The following RASSF6 variants were observed in gnomAD, a reference collection of about 807,000 sequenced individuals.
RASSF6 encodes the protein ras association domain-containing protein 6.
In RASSF6, 52 loss-of-function variants were observed where a neutral mutation model predicts 44.0. That is an observed-to-expected ratio of 1.18 (90% confidence interval 0.95 to 1.49). The LOEUF is 1.49. Ranked by LOEUF, RASSF6 falls within the 40% of genes most tolerant of loss-of-function variation. The pLI, the probability that RASSF6 is intolerant of heterozygous loss-of-function variation, is 0.00. For synonymous variants in RASSF6, 162 were observed against 124.6 expected (o/e 1.30, Z -2.00); for missense variants, 464 against 393.3 (o/e 1.18, Z -1.52).
chr4:73,599,952 T>C (rs993366741), intron 2 of RASSF6, among the ~76,000 whole-genome samples: 1 of 152,106 alleles, frequency 6.6e-6, no homozygotes, highest in Non-Finnish European at 1.5e-5. Flanking sequence ...CCAGACAGAT[T>C]CTCATCTTGG....
rs1369966127 is a variant in RASSF6, at chr4:73,572,737, C to T, written c.*3498G>A. On this transcript the variant is annotated 3_prime_UTR_variant, in exon 11 of 11. Transcript: ENST00000307439. ...ACTCTGTGCTTGCATGTGCTTGTTA[C>T]TTTTTTGTTCATAAGTTTTAAATAA... 2.6e-5 allele frequency: 4 copies of T among 152,074 alleles called. No individual in the cohort carries two copies. The highest frequency in any genetic ancestry group is 9.7e-5 in the African/African-American group (4 of 41,424). 9.4% of individuals were successfully genotyped at this position (152,074 alleles called of 1,614,324 possible).
At position 73,572,505 on chromosome 4, in the gene RASSF6, C is replaced by A. The variant is rs538981808; in HGVS notation, c.*3730G>T. 2.4e-4 allele frequency: 36 copies of A among 151,618 alleles called. No individual in the cohort carries two copies. The highest frequency in any genetic ancestry group is 4.3e-4 in the Non-Finnish European group (29 of 67,920). 9.4% of individuals were successfully genotyped at this position (151,618 alleles called of 1,614,324 possible). ...ATATATAATAATATAATATTGTACC[C>A]CATAAATACATACAATTATTATTTG... is the stretch of plus-strand genomic sequence containing the variant. On this transcript the variant is annotated 3_prime_UTR_variant, in exon 11 of 11. Transcript: ENST00000307439.
intron 2 of RASSF6, among the ~76,000 whole-genome samples, chr4:73,606,740 C>T (rs958897320): frequency 6.6e-6 from 1 of 151,916 alleles, no homozygotes; most frequent in Non-Finnish European, 1.5e-5. Flanking sequence ...AAAATTACAC[C>T]CTTTGTGTAT....
In RASSF6 at chr4:73,572,531, T is replaced by C. The variant is rs1722972720; in HGVS notation, c.*3704A>G. On this transcript the variant is annotated 3_prime_UTR_variant, in exon 11 of 11. Coordinates refer to ENST00000307439, the MANE Select transcript of RASSF6 (RefSeq NM_177532.5). ...CATAAATACATACAATTATTATTTG[T>C]CAATTAAAAATAAAATAAAAAGACG... 6.6e-6 allele frequency: 1 copy of C among 152,122 alleles called. No individual in the cohort carries two copies. The highest frequency in any genetic ancestry group is 2.4e-5 in the African/African-American group (1 of 41,434). The allele number at this position is 152,122 out of a possible 1,614,324, so 9.4% of individuals were successfully genotyped here. A position where few individuals can be genotyped will look rare whatever the true frequency, so the allele number is the denominator to read the frequency against.
chr4:73,600,727 T>TA (rs11375424), intron 2 of RASSF6, among the ~76,000 whole-genome samples: 150,890 of 152,268 alleles, frequency 0.99, 74,772 homozygotes, highest in Middle Eastern at 1. Flanking sequence ...ACAATTGCCA[T>TA]AAAAAGATCC....
intron 2 of RASSF6, among the ~76,000 whole-genome samples, chr4:73,605,445 T>C (rs1212495112): frequency 6.6e-6 from 1 of 152,224 alleles, no homozygotes; most frequent in Non-Finnish European, 1.5e-5. Context: ...ATCCTGGAAT[T>C]AAAATTACAA....
At chr4:73,600,378 G>A (rs1302254333) in intron 2 of RASSF6, among the ~76,000 whole-genome samples, 3 of 150,858 alleles carry the variant, frequency 2.0e-5, no homozygotes, top group Non-Finnish European at 3.0e-5. Context: ...TCATATAAGC[G>A]GTTTTATAAA....
intron 10 of RASSF6, 30 bp downstream of exon 10, chr4:73,576,380 G>T: frequency 6.8e-7 from 1 of 1,465,672 alleles, no homozygotes; most frequent in South Asian, 1.2e-5. Flanking sequence ...TTAAAGAACG[G>T]AGTATCCAAT....
chr4:73,610,584 A>G (rs757318049), intron 2 of RASSF6, among the ~76,000 whole-genome samples: 1 of 152,120 alleles, frequency 6.6e-6, no homozygotes, highest in African/African-American at 2.4e-5. Flanking sequence ...ACAAATATGC[A>G]TCTGCCTTAG....
At chr4:73,583,716 G>T (rs1231012404) in intron 6 of RASSF6, among the ~76,000 whole-genome samples, 1 of 152,014 alleles carries the variant, frequency 6.6e-6, no homozygotes, top group Non-Finnish European at 1.5e-5. Context: ...CCCAGCTTGA[G>T]CTCATTCAAT....
chr4:73,608,780 G>T (rs182436311), intron 2 of RASSF6, among the ~76,000 whole-genome samples: 1 of 152,172 alleles, frequency 6.6e-6, no homozygotes, highest in South Asian at 2.1e-4. Flanking sequence ...ACTCACAGGG[G>T]CATGCAGTGT....
Position 73,573,856 on chromosome 4 carries a change from C to T in RASSF6, c.*2379G>A, listed in dbSNP as rs1342947281. On this transcript the variant is annotated 3_prime_UTR_variant, in exon 11 of 11. Coordinates refer to ENST00000307439, the MANE Select transcript of RASSF6 (RefSeq NM_177532.5). The stretch of plus-strand genomic sequence containing the variant: ...ATAGACTCTTGAAATGTTTCCTTTG[C>T]AGCTTGCATGATGGCATACTTTGTC... 6.6e-6 allele frequency: 1 copy of T among 152,190 alleles called. No homozygotes were observed. Among genetic ancestry groups the T allele is most frequent in the Non-Finnish European group, 1.5e-5 (1 of 68,048 alleles). 9.4% of individuals were successfully genotyped at this position (152,190 alleles called of 1,614,324 possible). A position where few individuals can be genotyped will look rare whatever the true frequency, so the allele number is the denominator to read the frequency against.
chr4:73,602,728 G>A (rs1385176408), intron 2 of RASSF6, among the ~76,000 whole-genome samples: 3 of 152,186 alleles, frequency 2.0e-5, no homozygotes, highest in Non-Finnish European at 2.9e-5. Flanking sequence ...TGGGTGATAA[G>A]AAATGGATTC....
intron 2 of RASSF6, among the ~76,000 whole-genome samples, chr4:73,603,491 G>T (rs1725417360): frequency 6.6e-6 from 1 of 152,012 alleles, no homozygotes; most frequent in Non-Finnish European, 1.5e-5. Flanking sequence ...AGGTCAGGGG[G>T]AGGGATGCTG....
chr4:73,613,405 G>T (rs1212371216), intron 1 of RASSF6, among the ~76,000 whole-genome samples: 1 of 152,122 alleles, frequency 6.6e-6, no homozygotes, highest in Non-Finnish European at 1.5e-5. Flanking sequence ...GGGCAACTTG[G>T]TTATACAGGT....
At chr4:73,588,850 G>A (rs954408955) in intron 4 of RASSF6, among the ~76,000 whole-genome samples, 1 of 150,552 alleles carries the variant, frequency 6.6e-6, no homozygotes, top group Non-Finnish European at 1.5e-5. Context: ...ATTCCTGATG[G>A]GCCAGGAACC....
chr4:73,606,651 TTTTTAA>T (rs1725662333), intron 2 of RASSF6, among the ~76,000 whole-genome samples: 1 of 133,112 alleles, frequency 7.5e-6, no homozygotes, highest in South Asian at 2.5e-4. Context: ...TTTTTTTTTT[TTTTTAA>T]AGCCAGTTGA....
chr4:73,581,904 T>G (rs749466896), intron 7 of RASSF6, 36 bp from the exon 8 acceptor site: 1 of 1,531,228 alleles, frequency 6.5e-7, no homozygotes, highest in Non-Finnish European at 9.0e-7. Flanking sequence ...ATAAATTCTT[T>G]GTTGTTATAT....
At position 73,611,754 on chromosome 4, in the gene RASSF6, A is replaced by T; in HGVS notation, c.42T>A (p.Ile14=). 4.4e-6 allele frequency: 7 copies of T among 1,609,036 alleles called. No homozygotes were observed. The highest frequency in any genetic ancestry group is 6.0e-6 in the Non-Finnish European group (7 of 1,175,800). The change falls in exon 2 of 11, where the codon ATT becomes ATA. Residue 14 remains isoleucine, a synonymous_variant. Transcript: ENST00000307439. ...MAHQYPSWIF[I]NEKTFITREQ... is the part of the protein sequence containing the mutation. ...ACCTGGTTATGAATGTCTTCTCATT[A>T]ATGAAGATCCAAGAGGGGTACTGGT... is the stretch of plus-strand genomic sequence containing the variant.
Sources: gnomAD v4.1 joint callset for allele counts (sites outside exome capture counted in the v4.1 genomes callset) on GRCh38, gnomAD v4.1.1 for gene constraint, MANE v1.5 for transcripts, NCBI Gene and HGNC (gene_info 2026-07-23, HGNC 2026-07-21) for gene names.